COL5A2: variants seen among roughly 807,000 people sequenced by gnomAD.
COL5A2 encodes the protein collagen alpha-2(V) chain.
Under a neutral mutation model 208.2 loss-of-function variants are expected in COL5A2, and 23 were observed. The observed-to-expected ratio is 0.11, with a 90% CI of 0.08 to 0.16. The LOEUF (loss-of-function observed/expected upper bound fraction) is 0.16. Ranked by LOEUF, COL5A2 falls within the 10% of genes least tolerant of loss-of-function variation. The pLI is 1.00. For missense variants in COL5A2, 1,590 were observed against 1,956.4 expected, an observed-to-expected ratio of 0.81 and a Z score of 3.53; for synonymous variants, 625 against 628.5, an observed-to-expected ratio of 0.99 and a Z score of 0.08.
At chr2:189,343,643 A>G in the COL5A2 span, among the ~76,000 whole-genome samples, 1 of 152,164 alleles carries the variant, frequency 6.6e-6, no homozygotes, top group Admixed American at 6.5e-5. Flanking sequence ...GACATTAGAC[A>G]AAGCTAGTGG....
chr2:189,333,194 G>A, the COL5A2 span, among the ~76,000 whole-genome samples: 1 of 152,066 alleles, frequency 6.6e-6, no homozygotes, highest in South Asian at 2.1e-4. Context: ...TAGGAAAGGT[G>A]AAAATTTAAA....
chr2:189,083,444 A>G (rs1332346025), intron 12 of COL5A2, among the ~76,000 whole-genome samples: 1 of 152,114 alleles, frequency 6.6e-6, no homozygotes, highest in Non-Finnish European at 1.5e-5. Flanking sequence ...AGGACCCAGA[A>G]CATTAATCAA....
At chr2:189,320,953 C>T in the COL5A2 span, among the ~76,000 whole-genome samples, 2 of 152,210 alleles carry the variant, frequency 1.3e-5, no homozygotes, top group African/African-American at 4.8e-5. Context: ...GCCTATCAGA[C>T]TAACAGTGGA....
upstream of COL5A2, among the ~76,000 whole-genome samples, chr2:189,229,383 G>A (rs1018771197): frequency 1.3e-5 from 2 of 151,330 alleles, no homozygotes; most frequent in African/African-American, 4.8e-5. Flanking sequence ...GTTCATGGAT[G>A]CATGATCTTG....
At chr2:189,064,061 T>A in intron 25 of COL5A2, 28 bp from the exon 26 acceptor site, 1 of 1,597,134 alleles carries the variant, frequency 6.3e-7, no homozygotes, top group African/African-American at 1.3e-5. Flanking sequence ...ACTGTCAGTT[T>A]GTTGCTGATA....
intron 1 of COL5A2, among the ~76,000 whole-genome samples, chr2:189,150,035 A>T (rs902330811): frequency 1.3e-5 from 2 of 152,134 alleles, no homozygotes; most frequent in Non-Finnish European, 2.9e-5. Flanking sequence ...AGTGTATTTT[A>T]TGTGACCCTC....
At chr2:189,212,856 T>C (rs1689232953) in intron 1 of COL5A2, among the ~76,000 whole-genome samples, 1 of 124,376 alleles carries the variant, frequency 8.0e-6, no homozygotes, top group South Asian at 2.7e-4. Flanking sequence ...ACTATAAATA[T>C]AGTGTTAAAT....
the COL5A2 span, among the ~76,000 whole-genome samples, chr2:189,268,236 A>G: frequency 1.3e-5 from 2 of 152,136 alleles, no homozygotes; most frequent in African/African-American, 4.8e-5. Context: ...TTCTAAGAAA[A>G]TTGGCATTGT....
At chr2:189,359,624 A>G in the COL5A2 span, among the ~76,000 whole-genome samples, 1 of 152,160 alleles carries the variant, frequency 6.6e-6, no homozygotes. Context: ...ACTTTTTGGA[A>G]TAGTTTGAGT....
the COL5A2 span, among the ~76,000 whole-genome samples, chr2:189,363,658 A>G: frequency 6.6e-6 from 1 of 152,262 alleles, no homozygotes; most frequent in East Asian, 1.9e-4. Context: ...ACAGCCTCTT[A>G]ATACTAATAA....
At chr2:189,363,175 A>G in the COL5A2 span, among the ~76,000 whole-genome samples, 6 of 152,096 alleles carry the variant, frequency 3.9e-5, no homozygotes, top group Non-Finnish European at 7.4e-5. Flanking sequence ...TTCTTTCTGC[A>G]TTGTGTAGGA....
chr2:189,183,363 G>A (rs116538703), upstream of COL5A2, among the ~76,000 whole-genome samples: 1,091 of 152,150 alleles, frequency 7.2e-3, 11 homozygotes, highest in African/African-American at 0.024. Context: ...CTCCAATCTT[G>A]CACTATCAGC....
At chr2:189,297,544 T>C in the COL5A2 span, among the ~76,000 whole-genome samples, 1 of 151,724 alleles carries the variant, frequency 6.6e-6, no homozygotes, top group East Asian at 1.9e-4. Flanking sequence ...TTTGTACTCA[T>C]ATAACTGAAA....
chr2:189,397,471 A>G, the COL5A2 span, among the ~76,000 whole-genome samples: 2 of 152,178 alleles, frequency 1.3e-5, no homozygotes, highest in Admixed American at 1.3e-4. Flanking sequence ...ACTGAATCCT[A>G]GTAGGAAAGG....
At position 189,052,950 on chromosome 2, in the gene COL5A2, A is replaced by T. The variant is rs1458303572; in HGVS notation, c.2622T>A (p.Ser874=). The T allele has an allele frequency of 1.2e-6, 2 of 1,614,188 alleles. No individual in the cohort carries two copies. The highest frequency in any genetic ancestry group is 8.5e-7 in the Non-Finnish European group (1 of 1,180,020). ...GEPGQKGDAG[S]PGPQGLAGSP... ...ATCCTGCTAAACCTTGTGGTCCAGG[A>T]GAACCAGCATCTCCCTTCTGTCCTG... The change falls in exon 39 of 54, where the codon TCT becomes TCA. Residue 874 remains serine (S), a synonymous_variant. Coordinates refer to ENST00000374866, the MANE Select transcript of COL5A2 (RefSeq NM_000393.5).
the COL5A2 span, among the ~76,000 whole-genome samples, chr2:189,334,681 C>A: frequency 9.2e-5 from 14 of 152,106 alleles, no homozygotes; most frequent in East Asian, 2.7e-3. Context: ...AGGTTTAATG[C>A]AGTCTCAGTT....
chr2:189,273,637 T>C, the COL5A2 span, among the ~76,000 whole-genome samples: 6 of 151,860 alleles, frequency 4.0e-5, no homozygotes, highest in Admixed American at 3.9e-4. Context: ...ATAAAGAAAA[T>C]ATGGTATATA....
At chr2:189,128,865 G>A (rs1687658184) in intron 1 of COL5A2, among the ~76,000 whole-genome samples, 1 of 151,914 alleles carries the variant, frequency 6.6e-6, no homozygotes, top group Admixed American at 6.6e-5. Context: ...TGGGGCACTT[G>A]CGTCCTTAGG....
At chr2:189,254,162 C>T in the COL5A2 span, among the ~76,000 whole-genome samples, 75 of 152,280 alleles carry the variant, frequency 4.9e-4, no homozygotes, top group South Asian at 8.5e-3. Context: ...TGTTGATTGC[C>T]CTTGGGCACT....
Sources: gnomAD v4.1 joint callset for allele counts (sites outside exome capture counted in the v4.1 genomes callset) on GRCh38, gnomAD v4.1.1 for gene constraint, MANE v1.5 for transcripts, NCBI Gene and HGNC (gene_info 2026-07-23, HGNC 2026-07-21) for gene names.